The following CEP55 variants were observed in gnomAD, a reference collection of about 807,000 sequenced individuals.
CEP55 encodes centrosomal protein 55.
A neutral mutation model predicts 63.2 loss-of-function variants in CEP55; 57 were observed. That is an observed-to-expected ratio of 0.90 (90% CI 0.73 to 1.13). The LOEUF (loss-of-function observed/expected upper bound fraction) is 1.13, where lower values mean the gene tolerates loss of function less well. Ranked by LOEUF, CEP55 falls within the 50% of genes most tolerant of loss-of-function variation. The pLI is 0.00. For synonymous variants in CEP55, 178 were observed against 191.6 expected (o/e 0.93, Z 0.59); for missense variants, 456 against 518.9 (o/e 0.88, Z 1.18).
intron 3 of CEP55, among the ~76,000 whole-genome samples, chr10:93,506,761 A>T (rs11187484): frequency 6.6e-6 from 1 of 152,080 alleles, no homozygotes. Flanking sequence ...TTTAGTAGAG[A>T]TGGGTTTTCG....
In CEP55 at chr10:93,500,106, A is replaced by G. The variant is rs754047483; in HGVS notation, c.55A>G (p.Ser19Gly). ...TAAAAGTAAGTGGGGATCGAAGCCT[A>G]GTAACTCCAAATCCGAAACTACATT... The part of the protein sequence containing the change: ...LIKSKWGSKP[S>G]NSKSETTLEK... The change falls in exon 2 of 9, where the codon AGT (serine) becomes GGT (glycine). Residue 19 changes from serine to glycine, a missense_variant. Ser to Gly is a moderately conservative substitution (Grantham distance 56). Transcript: ENST00000371485. The G allele has an allele frequency of 1.3e-5, 21 of 1,613,480 alleles. No homozygotes were observed. In the South Asian group the frequency reaches 1.9e-4, roughly 14 times the overall value.
chr10:93,527,222 A>T (rs909793434), intron 8 of CEP55, among the ~76,000 whole-genome samples: 1 of 152,232 alleles, frequency 6.6e-6, no homozygotes, highest in Non-Finnish European at 1.5e-5. Flanking sequence ...CAAAGGTATG[A>T]TAGAATATCT....
Position 93,529,004 on chromosome 10 carries a change from A to G in CEP55, c.*851A>G, listed in dbSNP as rs2134510432. On this transcript the variant is annotated 3_prime_UTR_variant, in exon 9 of 9. Coordinates refer to ENST00000371485, the MANE Select transcript of CEP55 (RefSeq NM_018131.5). ...TTTTTATACATGCTTTTTGTAAACC[A>G]AAAACTTTTAAATTTCTTCAGGTTT... 1.3e-5 allele frequency: 2 copies of G among 152,340 alleles called. No individual in the cohort carries two copies. The highest frequency in any genetic ancestry group is 3.4e-3 in the Middle Eastern group (1 of 294). 9.4% of individuals were successfully genotyped at this position (152,340 alleles called of 1,614,324 possible). A position where few individuals can be genotyped will look rare whatever the true frequency, so the allele number is the denominator to read the frequency against.
At chr10:93,498,845 G>A (rs961491768) in intron 1 of CEP55, among the ~76,000 whole-genome samples, 1 of 149,556 alleles carries the variant, frequency 6.7e-6, no homozygotes, top group African/African-American at 2.5e-5. Flanking sequence ...CACCCAGCAT[G>A]TATTAGGATA....
At chr10:93,497,103 C>T (rs1589643134) in intron 1 of CEP55, among the ~76,000 whole-genome samples, 180 bp downstream of exon 1, 1 of 152,192 alleles carries the variant, frequency 6.6e-6, no homozygotes, top group East Asian at 1.9e-4. Context: ...TGTCTGTCTC[C>T]TCAAGTGAGA....
chr10:93,524,548 C>G (rs1165038242), intron 8 of CEP55, among the ~76,000 whole-genome samples: 1 of 152,128 alleles, frequency 6.6e-6, no homozygotes, highest in African/African-American at 2.4e-5. Context: ...GAAACTATTC[C>G]AAACAATAGA....
chr10:93,496,627 G>T lies in CEP55; in HGVS notation c.-309G>T, dbSNP rs1368670790. The T allele has an allele frequency of 1.3e-5, 2 of 152,238 alleles. No individual in the cohort carries two copies. The highest frequency in any genetic ancestry group is 4.8e-5 in the African/African-American group (2 of 41,462). The allele number at this position is 152,238 out of a possible 1,614,324, so 9.4% of individuals were successfully genotyped here. A position where few individuals can be genotyped will look rare whatever the true frequency, so the allele number is the denominator to read the frequency against. On this transcript the variant is annotated 5_prime_UTR_variant, in exon 1 of 9. Coordinates refer to ENST00000371485, the MANE Select transcript of CEP55 (RefSeq NM_018131.5). ...CGCGGGATTCAAACTCCCGGAAGCG[G>T]CATCCACACCTGATGGTGTGACTCG...
At chr10:93,519,940 C>CTG in intron 8 of CEP55, 133 bp downstream of exon 8, 1 of 918,746 alleles carries the variant, frequency 1.1e-6, no homozygotes, top group Non-Finnish European at 1.7e-6. Flanking sequence ...GCCTCTGCCT[C>CTG]ATTTGAAGCA....
chr10:93,503,515 A>AATCAT, intron 3 of CEP55, 127 bp downstream of exon 3: 1 of 907,546 alleles, frequency 1.1e-6, no homozygotes, highest in Non-Finnish European at 1.6e-6. Context: ...ATAGTATACT[A>AATCAT]TCAGGTCACT....
intron 4 of CEP55, among the ~76,000 whole-genome samples, 185 bp downstream of exon 4, chr10:93,507,241 T>TC (rs34119934): frequency 2.6e-5 from 4 of 151,364 alleles, no homozygotes; most frequent in Non-Finnish European, 5.9e-5. Flanking sequence ...TTTTTTTTTT[T>TC]CCTGAGGCAA....
At chr10:93,515,298 G>A in intron 4 of CEP55, 107 bp from the exon 5 acceptor site, 1 of 968,036 alleles carries the variant, frequency 1.0e-6, no homozygotes, top group Middle Eastern at 2.6e-4. Flanking sequence ...TAGTCTATGA[G>A]CCATAGAGTT....
chr10:93,517,792 C>T (rs2057819957), intron 6 of CEP55, among the ~76,000 whole-genome samples: 2 of 152,206 alleles, frequency 1.3e-5, no homozygotes, highest in Admixed American at 1.3e-4. Flanking sequence ...TTGAACAGTA[C>T]TTTGATGGAA....
In CEP55 at chr10:93,500,220, C is replaced by G; in HGVS notation, c.169C>G (p.His57Asp). ...AGGAAAGCTGACTGATAAAGAGAGACACAGACTTTTGGAGGTAAATGGTCT... is the reference window on the plus strand; with the variant it reads ...AGGAAAGCTGACTGATAAAGAGAGAGACAGACTTTTGGAGGTAAATGGTCT... The part of the protein sequence containing the change: ...GKGKLTDKER[H>D]RLLEKIRVLE... Residue 57 changes from histidine (H) to aspartate (D), a missense_variant, in exon 2 of 9, where the codon CAC becomes GAC. Coordinates refer to ENST00000371485, the MANE Select transcript of CEP55 (RefSeq NM_018131.5). 6.2e-7 allele frequency: 1 copy of G among 1,610,904 alleles called. No individual in the cohort carries two copies. The highest frequency in any genetic ancestry group is 8.5e-7 in the Non-Finnish European group (1 of 1,179,068).
intron 6 of CEP55, among the ~76,000 whole-genome samples, chr10:93,517,614 A>G (rs1422481775): frequency 6.6e-6 from 1 of 152,182 alleles, no homozygotes; most frequent in Non-Finnish European, 1.5e-5. Flanking sequence ...CCAAAAGAAG[A>G]AGTGAAGTAA....
intron 6 of CEP55, 36 bp downstream of exon 6, chr10:93,517,284 C>G: frequency 2.0e-6 from 3 of 1,491,356 alleles, no homozygotes; most frequent in South Asian, 1.3e-5. Flanking sequence ...AGAGTGTTCA[C>G]CGAACACTTT....
Position 93,513,424 on chromosome 10 carries a change from G to C in CEP55, c.529-1981G>C, listed in dbSNP as rs112411225. Reference sequence around the variant, plus strand: ...TACATGTAGATCTTTCTGGATATGGGACTCAATCAATGTCTTTAAAGGATG... The same window carrying C: ...TACATGTAGATCTTTCTGGATATGGCACTCAATCAATGTCTTTAAAGGATG... On this transcript the variant is annotated intron_variant, in intron 4 of 8. Coordinates refer to ENST00000371485, the MANE Select transcript of CEP55 (RefSeq NM_018131.5). 3.4e-4 allele frequency among the ~76,000 whole-genome samples: 51 copies of C among 152,118 alleles called. 1 individual carries two copies. Among genetic ancestry groups the C allele is most frequent in the African/African-American group, 1.1e-3 (44 of 41,476 alleles).
rs1371265572 is a variant in CEP55, at chr10:93,496,700, G to C, written c.-236G>C. 3 of 152,316 alleles carry C rather than the reference G, an allele frequency of 2.0e-5. No individual in the cohort carries two copies. The highest frequency in any genetic ancestry group is 2.0e-4 in the Admixed American group (3 of 15,292). 9.4% of individuals were successfully genotyped at this position (152,316 alleles called of 1,614,324 possible). ...GCTTCAGCTGCTAGCTGGCCCAAGG[G>C]AGGCGACCGCGGAGGGTGGCGAGGG... On this transcript the variant is annotated 5_prime_UTR_variant, in exon 1 of 9. Transcript: ENST00000371485.
intron 8 of CEP55, 26 bp downstream of exon 8, chr10:93,519,833 A>C (rs767819310): frequency 2.5e-6 from 4 of 1,613,152 alleles, no homozygotes; most frequent in Non-Finnish European, 3.4e-6. Flanking sequence ...TTAAACTAAA[A>C]TTTGTCTTCG....
At chr10:93,517,724 T>C (rs898972345) in intron 6 of CEP55, among the ~76,000 whole-genome samples, 2 of 152,250 alleles carry the variant, frequency 1.3e-5, no homozygotes, top group Admixed American at 6.5e-5. Context: ...GTTATGCTCA[T>C]AGCCTTATGC....
Sources: allele counts gnomAD v4.1 joint callset (sites outside exome capture counted in the v4.1 genomes callset), GRCh38; gene constraint gnomAD v4.1.1; transcripts MANE v1.5; gene names NCBI Gene and HGNC (gene_info 2026-07-23, HGNC 2026-07-21).